Variants in ITGB1 observed in about 807,000 individuals in gnomAD.
The protein encoded by ITGB1 is integrin beta-1.
A neutral mutation model predicts 86.5 loss-of-function variants in ITGB1; 24 were observed. That is an observed-to-expected ratio of 0.28 (90% CI 0.20 to 0.39). The LOEUF is 0.39. ITGB1 is among the 10% of genes least tolerant of loss of function. The pLI, the probability that ITGB1 is intolerant of heterozygous loss-of-function variation, is 1.00. For missense variants in ITGB1, 556 were observed against 946.9 expected (o/e 0.59, Z 5.42); for synonymous variants, 323 against 316.8 (o/e 1.02, Z -0.21).
chr10:32,924,028 TATC>T (rs1215129349), intron 6 of ITGB1, among the ~76,000 whole-genome samples: 1 of 152,192 alleles, frequency 6.6e-6, no homozygotes, highest in African/African-American at 2.4e-5. Context: ...TAGTTCTGCT[TATC>T]ATCATATCTC....
chr10:32,945,253 C>A (rs562227678), intron 1 of ITGB1, among the ~76,000 whole-genome samples: 1 of 152,080 alleles, frequency 6.6e-6, no homozygotes, highest in South Asian at 2.1e-4. Flanking sequence ...TTTTAAAACA[C>A]GTTAGAGCAA....
intron 1 of ITGB1, chr10:32,953,853 T>C (rs1376177663): frequency 1.3e-5 from 2 of 152,204 alleles, no homozygotes; most frequent in Non-Finnish European, 2.9e-5. Context: ...ATGAAGTCTT[T>C]CTGTCTTTAA....
chr10:32,908,588 TA>T, intron 14 of ITGB1, 54 bp from the exon 15 acceptor site: 1 of 1,491,532 alleles, frequency 6.7e-7, no homozygotes, highest in Non-Finnish European at 9.2e-7. Flanking sequence ...CAGTGTCTTA[TA>T]AAAAACATAC....
chr10:32,922,777 T>C (rs200073025), intron 7 of ITGB1, 42 bp from the exon 8 acceptor site: 21 of 1,081,916 alleles, frequency 1.9e-5, no homozygotes, highest in Middle Eastern at 2.9e-4. Context: ...AAATACACCC[T>C]TATAATCTCT....
chr10:32,955,350 T>C (rs1014809266), intron 1 of ITGB1, among the ~76,000 whole-genome samples: 3 of 152,198 alleles, frequency 2.0e-5, no homozygotes, highest in African/African-American at 4.8e-5. Context: ...TGAGAAAATC[T>C]GCTAATATCT....
chr10:32,937,262 T>C (rs2095005026), intron 1 of ITGB1, among the ~76,000 whole-genome samples: 1 of 152,126 alleles, frequency 6.6e-6, no homozygotes, highest in Non-Finnish European at 1.5e-5. Context: ...TGCAGCAACA[T>C]TTAGAGTTAT....
At chr10:32,935,177 T>C (rs1380309101) in intron 2 of ITGB1, among the ~76,000 whole-genome samples, 2 of 152,370 alleles carry the variant, frequency 1.3e-5, no homozygotes, top group East Asian at 3.9e-4. Context: ...TTTCATTTGC[T>C]TCTAAATATA....
intron 15 of ITGB1, among the ~76,000 whole-genome samples, chr10:32,902,459 G>A (rs1307015219): frequency 6.6e-6 from 1 of 152,090 alleles, no homozygotes; most frequent in Non-Finnish European, 1.5e-5. Context: ...TTAAATACTT[G>A]CTATAGCATT....
At chr10:32,923,957 C>T (rs528559887) in intron 6 of ITGB1, among the ~76,000 whole-genome samples, 3 of 152,194 alleles carry the variant, frequency 2.0e-5, no homozygotes, top group South Asian at 2.1e-4. Flanking sequence ...CCTGACCATC[C>T]GTATCTCTCA....
At chr10:32,957,969 A>C (rs1185988062) in intron 1 of ITGB1, 176 bp downstream of exon 1, 1 of 149,510 alleles carries the variant, frequency 6.7e-6, no homozygotes, top group Admixed American at 6.6e-5. Flanking sequence ...ACTAGCCTGG[A>C]ATCCTGCCCC....
chr10:32,920,355 C>T lies in ITGB1; in HGVS notation c.1159G>A (p.Gly387Ser), dbSNP rs201962041. 268 of 1,613,216 alleles carry T rather than the reference C, an allele frequency of 1.7e-4. No homozygotes were observed. The highest frequency in any genetic ancestry group is 2.2e-4 in the Non-Finnish European group (260 of 1,179,576). Reference protein sequence around the residue: ...SLSSEVILENGKLSEGVTISY... With the variant: ...SLSSEVILENSKLSEGVTISY... The stretch of plus-strand genomic sequence containing the variant: ...ATTGTTACGCCTTCTGACAATTTGC[C>T]GTTTTCCAAAATGACTTCTGAGGAA... Residue 387 changes from glycine to serine, a missense_variant, in exon 10 of 16, where the codon GGC becomes AGC. By Grantham distance (56) the Gly-to-Ser change is moderately conservative. Coordinates refer to ENST00000302278, the MANE Select transcript of ITGB1 (RefSeq NM_002211.4).
chr10:32,927,233 T>G (rs2094967754), intron 5 of ITGB1, among the ~76,000 whole-genome samples: 1 of 152,216 alleles, frequency 6.6e-6, no homozygotes. Context: ...ATAGGGCTAA[T>G]TTTTGAAAGG....
intron 9 of ITGB1, among the ~76,000 whole-genome samples, chr10:32,921,549 G>A (rs756364865): frequency 6.6e-6 from 1 of 152,042 alleles, no homozygotes; most frequent in African/African-American, 2.4e-5. Flanking sequence ...AGTGGTGCAC[G>A]AGACACACAA....
chr10:32,901,685 A>AT, intron 15 of ITGB1, 50 bp from the exon 16 acceptor site: 3 of 1,165,970 alleles, frequency 2.6e-6, no homozygotes, highest in Non-Finnish European at 3.8e-6. Context: ...TACTAAAATT[A>AT]TGTAGAATAA....
chr10:32,946,276 T>C (rs1279341811), intron 1 of ITGB1, among the ~76,000 whole-genome samples: 1 of 152,214 alleles, frequency 6.6e-6, no homozygotes, highest in Non-Finnish European at 1.5e-5. Context: ...TGCGGAATGT[T>C]CCCTTGGCAT....
At chr10:32,936,385 C>G in intron 1 of ITGB1, 1 of 152,302 alleles carries the variant, frequency 6.6e-6, no homozygotes, top group East Asian at 1.9e-4. Context: ...CAAGATTATG[C>G]CACTGCACTC....
At chr10:32,944,620 GA>G (rs1458420036) in intron 1 of ITGB1, 2 of 591,156 alleles carry the variant, frequency 3.4e-6, no homozygotes, top group Non-Finnish European at 6.5e-6. Context: ...TATATGAGCT[GA>G]AAAATCTCAC....
chr10:32,910,181 T>A (rs758598230), intron 14 of ITGB1, 42 bp downstream of exon 14: 1 of 1,438,088 alleles, frequency 7.0e-7, no homozygotes, highest in Non-Finnish European at 9.7e-7. Flanking sequence ...AAACAAGACA[T>A]ACAAGATATG....
chr10:32,925,144 T>C lies in ITGB1; in HGVS notation c.786+727A>G, dbSNP rs2094960938. ...GGAGGGAACAAAAATGAGACAAGAGTAGGTACGCAGGACAAACTTGACATG... is the reference window on the plus strand; with the variant it reads ...GGAGGGAACAAAAATGAGACAAGAGCAGGTACGCAGGACAAACTTGACATG... On this transcript the variant is annotated intron_variant, in intron 6 of 15. Coordinates refer to ENST00000302278, the MANE Select transcript of ITGB1 (RefSeq NM_002211.4). Among the ~76,000 whole-genome samples the C allele has an allele frequency of 2.6e-5, 4 of 151,836 alleles. No homozygotes were observed. In the South Asian group the frequency reaches 8.3e-4, roughly 32 times the overall value.
Sources: gnomAD v4.1 joint callset for allele counts (sites outside exome capture counted in the v4.1 genomes callset) on GRCh38, gnomAD v4.1.1 for gene constraint, MANE v1.5 for transcripts, NCBI Gene and HGNC (gene_info 2026-07-23, HGNC 2026-07-21) for gene names.